Variants in SP4 observed in about 807,000 individuals in gnomAD.
SP4 encodes transcription factor Sp4.
SP4 carries 19 observed loss-of-function variants against 72.8 expected under a neutral mutation model. The ratio of observed to expected loss-of-function variants is 0.26; its 90% CI spans 0.18 to 0.38. The LOEUF (loss-of-function observed/expected upper bound fraction) is 0.38, where lower values mean the gene tolerates loss of function less well. Ranked by LOEUF, SP4 falls within the 10% of genes least tolerant of loss-of-function variation. The probability of loss-of-function intolerance (pLI) is 1.00; values close to 1 mark genes in which losing one functional copy is unlikely to be tolerated. For missense variants in SP4, 1,008 were observed against 926.3 expected, an observed-to-expected ratio of 1.09 and a Z score of -1.14; for synonymous variants, 395 against 333.1, an observed-to-expected ratio of 1.19 and a Z score of -2.02.
rs1361868364 is a variant in SP4 at position 21,480,025 on chromosome 7, T to C, written c.1908-1899T>C. On this transcript the variant is annotated intron_variant, in intron 4 of 5. Coordinates refer to ENST00000222584, the MANE Select transcript of SP4 (RefSeq NM_003112.5). ...TTGTTTGTTTGTTTAGTAGAGTCTT[T>C]AGGATTTCTGTGTATAAGGTCATGG... Among the ~76,000 whole-genome samples the C allele has an allele frequency of 2.6e-5, 4 of 152,070 alleles. No homozygotes were observed. The East Asian group carries it at 7.7e-4, about 29-fold the overall frequency.
Position 21,446,847 on chromosome 7 carries a change from C to T in SP4, c.1678+16004C>T, listed in dbSNP as rs540180898. ...TCTTTTTTTTTTTTCTTTCCCCAAG[C>T]CTGGGTTCCAAAAAATGTTTTGACA... On this transcript the variant is annotated intron_variant, in intron 3 of 5. Transcript: ENST00000222584. Among the ~76,000 whole-genome samples, 253 of 149,536 alleles carry T rather than the reference C, an allele frequency of 1.7e-3. 4 individuals are homozygous for T. Among genetic ancestry groups the T allele is most frequent in the African/African-American group, 5.8e-3 (233 of 40,458 alleles).
intron 3 of SP4, among the ~76,000 whole-genome samples, chr7:21,463,275 T>C (rs1237207500): frequency 6.6e-6 from 1 of 151,870 alleles, no homozygotes; most frequent in Non-Finnish European, 1.5e-5. Flanking sequence ...GAAAGGGGAA[T>C]GAGGATTTGA....
chr7:21,477,535 C>T (rs1281083211), intron 4 of SP4, among the ~76,000 whole-genome samples: 1 of 151,988 alleles, frequency 6.6e-6, no homozygotes, highest in Non-Finnish European at 1.5e-5. Flanking sequence ...CTTTCTTCCC[C>T]ACCCCTCCCC....
chr7:21,477,299 A>G lies in SP4; in HGVS notation c.1899A>G (p.Gly633=). The change falls in exon 4 of 6, where the codon GGA becomes GGG. Residue 633 remains glycine (G), a synonymous_variant. Transcript: ENST00000222584. ...VACSCPNCRE[G]EGRGSNEPGK... The stretch of plus-strand genomic sequence containing the variant: ...GTTCCTGTCCTAATTGTAGGGAAGG[A>G]GAAGGAAGGTAAATGCTGTATTTTT... 6.2e-7 allele frequency: 1 copy of G among 1,608,862 alleles called. No individual in the cohort carries two copies. Among genetic ancestry groups the G allele is most frequent in the Non-Finnish European group, 8.5e-7 (1 of 1,175,524 alleles).
At chr7:21,490,423 C>A (rs1017407774) in intron 5 of SP4, among the ~76,000 whole-genome samples, 1 of 152,176 alleles carries the variant, frequency 6.6e-6, no homozygotes, top group Non-Finnish European at 1.5e-5. Flanking sequence ...ATACCCATAT[C>A]TCTGGCTAGG....
chr7:21,461,170 G>C (rs376635862), intron 3 of SP4, among the ~76,000 whole-genome samples: 3,346 of 152,278 alleles, frequency 0.022, 48 homozygotes, highest in African/African-American at 0.04. Flanking sequence ...AGGTGGAGCT[G>C]CCTGCCAGTC....
At chr7:21,474,951 G>A (rs190529465) in intron 3 of SP4, among the ~76,000 whole-genome samples, 1 of 152,318 alleles carries the variant, frequency 6.6e-6, no homozygotes, top group East Asian at 1.9e-4. Flanking sequence ...AGGAGAGTGA[G>A]ATTGACTTTG....
Position 21,511,398 on chromosome 7 carries a change from C to T in SP4, c.*129C>T, listed in dbSNP as rs907191370. 2 of 996,918 alleles carry T rather than the reference C, an allele frequency of 2.0e-6. No individual in the cohort carries two copies. Among genetic ancestry groups the T allele is most frequent in the Non-Finnish European group, 2.9e-6 (2 of 687,192 alleles). 61.8% of individuals were successfully genotyped at this position (996,918 alleles called of 1,614,324 possible). A position where few individuals can be genotyped will look rare whatever the true frequency, so the allele number is the denominator to read the frequency against. ...TTCATTCTTGGCTTCTTTAAGTATT[C>T]CAGGGTTTGGGGTCAACACGTGAAG... On this transcript the variant is annotated 3_prime_UTR_variant, in exon 6 of 6. Coordinates refer to ENST00000222584, the MANE Select transcript of SP4 (RefSeq NM_003112.5).
At chr7:21,471,009 C>A in intron 3 of SP4, 1 of 531,358 alleles carries the variant, frequency 1.9e-6, no homozygotes, top group Non-Finnish European at 3.9e-6. Flanking sequence ...TTTGTCAGAC[C>A]AAGGGAGATG....
intron 4 of SP4, among the ~76,000 whole-genome samples, chr7:21,480,190 T>A (rs887971825): frequency 1.3e-5 from 2 of 152,198 alleles, no homozygotes; most frequent in Admixed American, 6.5e-5. Context: ...GATTTTTGCA[T>A]CCATATTCAT....
At chr7:21,444,184 C>T (rs891092062) in intron 3 of SP4, among the ~76,000 whole-genome samples, 15 of 152,096 alleles carry the variant, frequency 9.9e-5, no homozygotes, top group African/African-American at 1.7e-4. Flanking sequence ...CTGTATTGTG[C>T]GGCTTGATAT....
At chr7:21,493,854 C>T (rs1785039983) in intron 5 of SP4, among the ~76,000 whole-genome samples, 1 of 151,698 alleles carries the variant, frequency 6.6e-6, no homozygotes, top group Non-Finnish European at 1.5e-5. Context: ...ATCATGATAC[C>T]AAAGAAAAAA....
intron 3 of SP4, among the ~76,000 whole-genome samples, chr7:21,442,403 C>G (rs1018776783): frequency 6.6e-6 from 1 of 152,102 alleles, no homozygotes; most frequent in Non-Finnish European, 1.5e-5. Flanking sequence ...GTTTAATTAG[C>G]AGAACTTTTT....
At chr7:21,475,089 TC>T (rs778175903) in intron 3 of SP4, among the ~76,000 whole-genome samples, 8 of 151,660 alleles carry the variant, frequency 5.3e-5, no homozygotes, top group Non-Finnish European at 8.8e-5. Context: ...TGAAATAACC[TC>T]CCCCACCCTT....
chr7:21,456,478 T>TATCC (rs1173560233), intron 3 of SP4, among the ~76,000 whole-genome samples: 1 of 152,182 alleles, frequency 6.6e-6, no homozygotes, highest in East Asian at 1.9e-4. Flanking sequence ...TCTCAGGGAA[T>TATCC]ATCCATCCAC....
chr7:21,500,561 T>C (rs1182181664), intron 5 of SP4, among the ~76,000 whole-genome samples: 1 of 152,194 alleles, frequency 6.6e-6, no homozygotes, highest in Non-Finnish European at 1.5e-5. Flanking sequence ...GTTTGAATTG[T>C]CAGCTAAATT....
intron 5 of SP4, among the ~76,000 whole-genome samples, chr7:21,496,681 A>T (rs188117237): frequency 0.033 from 5,026 of 150,418 alleles, 196 homozygotes; most frequent in East Asian, 0.17. Flanking sequence ...TTATTTATTT[A>T]TTTTTTTTTC....
intron 3 of SP4, among the ~76,000 whole-genome samples, chr7:21,461,000 G>C (rs60253697): frequency 0.076 from 11,614 of 152,164 alleles, 955 homozygotes; most frequent in East Asian, 0.28. Context: ...CCTTGAGCTA[G>C]ACACAGAGTG....
chr7:21,444,089 C>A (rs900640003), intron 3 of SP4, among the ~76,000 whole-genome samples: 1 of 152,010 alleles, frequency 6.6e-6, no homozygotes, highest in Non-Finnish European at 1.5e-5. Flanking sequence ...TTTTAATATC[C>A]CCTTGTTAGA....
Sources: allele counts gnomAD v4.1 joint callset (sites outside exome capture counted in the v4.1 genomes callset), GRCh38; gene constraint gnomAD v4.1.1; transcripts MANE v1.5; gene names NCBI Gene and HGNC (gene_info 2026-07-23, HGNC 2026-07-21).